SYT2: variants seen among roughly 807,000 people sequenced by gnomAD.
SYT2 encodes the protein synaptotagmin 2.
SYT2 carries 15 observed loss-of-function variants against 39.9 expected under a neutral mutation model. The observed-to-expected ratio is 0.38, with a 90% CI of 0.25 to 0.58. The LOEUF is 0.58. SYT2 is among the 20% of genes least tolerant of loss of function. The pLI, the probability that SYT2 is intolerant of heterozygous loss-of-function variation, is 0.70. For missense variants in SYT2, 389 were observed against 530.3 expected (o/e 0.73, Z 2.62); for synonymous variants, 181 against 204.5 (o/e 0.89, Z 0.98).
rs116654122 is a variant in SYT2 at position 202,612,967 on chromosome 1, A to G, written c.-17-7178T>C. On this transcript the variant is annotated intron_variant, in intron 1 of 8. Coordinates refer to ENST00000367268, the MANE Select transcript of SYT2 (RefSeq NM_177402.5). ...TCATTATAAATGGAATTGTTTTCTT[A>G]ATTTCACTTTCAGATTGTTCGTTGC... Among the ~76,000 whole-genome samples the G allele has an allele frequency of 6.8e-3, 1,025 of 151,638 alleles. 14 individuals are homozygous for G. Among genetic ancestry groups the G allele is most frequent in the African/African-American group, 0.024 (983 of 41,268 alleles).
intron 1 of SYT2, among the ~76,000 whole-genome samples, chr1:202,685,258 TAGA>T (rs1203494876): frequency 6.6e-6 from 1 of 152,134 alleles, no homozygotes; most frequent in African/African-American, 2.4e-5. Context: ...TTAAGAGAAA[TAGA>T]AGAGGGGGCT....
chr1:202,647,084 G>A (rs1692100362), intron 1 of SYT2, among the ~76,000 whole-genome samples: 1 of 152,196 alleles, frequency 6.6e-6, no homozygotes, highest in East Asian at 1.9e-4. Context: ...ATGGTGGCCA[G>A]GGTAGGGTTG....
At chr1:202,645,259 C>A (rs1692057243) in intron 1 of SYT2, among the ~76,000 whole-genome samples, 1 of 152,226 alleles carries the variant, frequency 6.6e-6, no homozygotes, top group Non-Finnish European at 1.5e-5. Context: ...CGTCATCCCA[C>A]ACTGAGGAGG....
At chr1:202,602,140 G>T in intron 5 of SYT2, 83 bp from the exon 6 acceptor site, 1 of 1,290,408 alleles carries the variant, frequency 7.7e-7, no homozygotes. Context: ...CTGCATTCCA[G>T]CCCACAGGGT....
Position 202,695,467 on chromosome 1 carries a change from G to A in SYT2, c.-18+14791C>T, listed in dbSNP as rs541552162. Among the ~76,000 whole-genome samples, 15 of 152,178 alleles carry A rather than the reference G, an allele frequency of 9.9e-5. No individual in the cohort carries two copies. The South Asian group carries it at 1.2e-3, about 13-fold the overall frequency. The stretch of plus-strand genomic sequence containing the variant: ...CTTACCCTCCAAACCCAGCCTCCCC[G>A]GCTCCCGCAGTGTCAGCAACTAATA... On this transcript the variant is annotated intron_variant, in intron 1 of 8. Coordinates refer to ENST00000367268, the MANE Select transcript of SYT2 (RefSeq NM_177402.5).
chr1:202,691,738 A>AGG (rs1558463456), intron 1 of SYT2, among the ~76,000 whole-genome samples: 10 of 55,682 alleles, frequency 1.8e-4, no homozygotes, highest in African/African-American at 6.6e-4. Flanking sequence ...GGGGGGAGAG[A>AGG]GAGAGAGAGA....
intron 1 of SYT2, among the ~76,000 whole-genome samples, chr1:202,691,769 GAGA>G: frequency 1.4e-5 from 2 of 143,138 alleles, no homozygotes; most frequent in Non-Finnish European, 3.1e-5. Flanking sequence ...GAGAGAGAGA[GAGA>G]GAGAGAGAGA....
rs745326404 is a variant in SYT2, at chr1:202,602,055, C to T, written c.636G>A (p.Val212=). 3 of 1,613,962 alleles carry T rather than the reference C, an allele frequency of 1.9e-6. No individual in the cohort carries two copies. Among genetic ancestry groups the T allele is most frequent in the Non-Finnish European group, 8.5e-7 (1 of 1,179,916 alleles). Residue 212 remains valine (V), a splice_region_variant and synonymous_variant, in exon 6 of 9, where the codon GTG becomes GTA. Coordinates refer to ENST00000367268, the MANE Select transcript of SYT2 (RefSeq NM_177402.5). The stretch of plus-strand genomic sequence containing the variant: ...TTTTGCCCCCAAGCTCCTGGTATGG[C>T]ACCTGCAGGGCACAAGCAGAATCAG... The part of the protein sequence containing the change: ...PAFNETFTFK[V]PYQELGGKTL...
At chr1:202,602,863 C>G in intron 4 of SYT2, 136 bp downstream of exon 4, 1 of 1,118,462 alleles carries the variant, frequency 8.9e-7, no homozygotes. Context: ...ATAGGCCCTG[C>G]AGTTTCCAGC....
chr1:202,627,534 T>C, intron 1 of SYT2: 3 of 984,962 alleles, frequency 3.0e-6, no homozygotes, highest in Non-Finnish European at 3.6e-6. Context: ...CGCACTGCCT[T>C]GCAGTGCTCC....
rs530438802 is a variant in SYT2, at chr1:202,695,648, G to A, written c.-18+14610C>T. Among the ~76,000 whole-genome samples, 3 of 152,310 alleles carry A rather than the reference G, an allele frequency of 2.0e-5. No homozygotes were observed. In the South Asian group the frequency reaches 6.2e-4, roughly 32 times the overall value. On this transcript the variant is annotated intron_variant, in intron 1 of 8. Coordinates refer to ENST00000367268, the MANE Select transcript of SYT2 (RefSeq NM_177402.5). ...TTATGGTCAAAAATTCATTTCCAAG[G>A]GGACCTGGCATCTTCCTCTCACAGA... is the stretch of plus-strand genomic sequence containing the variant.
intron 1 of SYT2, among the ~76,000 whole-genome samples, chr1:202,657,338 G>C (rs930728949): frequency 1.3e-5 from 2 of 152,238 alleles, no homozygotes; most frequent in Admixed American, 6.5e-5. Flanking sequence ...AAGACCCAAA[G>C]TGGGCCTCTT....
chr1:202,632,376 G>A (rs1691617785), intron 1 of SYT2: 1 of 194,930 alleles, frequency 5.1e-6, no homozygotes, highest in Non-Finnish European at 9.3e-6. Flanking sequence ...AAAATAGTGA[G>A]ACACGCAGAT....
At chr1:202,663,519 C>T (rs969958667) in intron 1 of SYT2, among the ~76,000 whole-genome samples, 5 of 152,230 alleles carry the variant, frequency 3.3e-5, no homozygotes, top group Non-Finnish European at 5.9e-5. Flanking sequence ...CACTTCGAAA[C>T]CTCAGCGGCA....
intron 1 of SYT2, among the ~76,000 whole-genome samples, chr1:202,710,045 G>A (rs1429209094): frequency 6.6e-6 from 1 of 151,550 alleles, no homozygotes; most frequent in South Asian, 2.1e-4. Flanking sequence ...CTCGCCCCTC[G>A]GGTCCGACTC....
intron 1 of SYT2, among the ~76,000 whole-genome samples, chr1:202,664,223 T>TC (rs1558453721): frequency 6.6e-6 from 1 of 152,104 alleles, no homozygotes. Flanking sequence ...TCCATGAGGC[T>TC]CCTGTGAAGT....
At chr1:202,597,891 T>C (rs998253089) in intron 8 of SYT2, among the ~76,000 whole-genome samples, 4 of 152,186 alleles carry the variant, frequency 2.6e-5, no homozygotes, top group Admixed American at 2.6e-4. Flanking sequence ...GATGATCAGC[T>C]GGATTTGCTG....
intron 1 of SYT2, among the ~76,000 whole-genome samples, chr1:202,642,379 C>T (rs1407991343): frequency 6.6e-6 from 1 of 151,694 alleles, no homozygotes; most frequent in Non-Finnish European, 1.5e-5. Context: ...CACCTCGTCC[C>T]CATTCCTGTC....
chr1:202,693,248 G>T (rs951250221), intron 1 of SYT2, among the ~76,000 whole-genome samples: 4 of 152,304 alleles, frequency 2.6e-5, no homozygotes, highest in Non-Finnish European at 5.9e-5. Flanking sequence ...GGAGGATTCA[G>T]GGGCAAATTG....
Sources: allele counts gnomAD v4.1 joint callset (sites outside exome capture counted in the v4.1 genomes callset), GRCh38; gene constraint gnomAD v4.1.1; transcripts MANE v1.5; gene names NCBI Gene and HGNC (gene_info 2026-07-23, HGNC 2026-07-21).